MUC15: variants seen among roughly 807,000 people sequenced by gnomAD.
The protein encoded by MUC15 is mucin-15.
Under a neutral mutation model 24.0 loss-of-function variants are expected in MUC15, and 23 were observed. The observed-to-expected ratio is 0.96, with a 90% CI of 0.69 to 1.36. MUC15 has a LOEUF of 1.36. Ranked by LOEUF, MUC15 falls within the 40% of genes most tolerant of loss-of-function variation. The pLI, the probability that MUC15 is intolerant of heterozygous loss-of-function variation, is 0.00. For missense variants in MUC15, 442 were observed against 428.2 expected (o/e 1.03, Z -0.29); for synonymous variants, 151 against 156.3 (o/e 0.97, Z 0.25).
At chr11:26,561,667 G>T (rs1048202561) in intron 4 of MUC15, among the ~76,000 whole-genome samples, 4 of 151,894 alleles carry the variant, frequency 2.6e-5, no homozygotes. Context: ...GTATCTTGAT[G>T]GCTAAACCAT....
rs1590548489 is a variant in MUC15 at position 26,565,504 on chromosome 11, T to C, written c.436A>G (p.Lys146Glu). The C allele has an allele frequency of 6.2e-7, 1 of 1,613,384 alleles. No individual in the cohort carries two copies. Among genetic ancestry groups the C allele is most frequent in the Non-Finnish European group, 8.5e-7 (1 of 1,179,534 alleles). ...SPPLIHSFVS[K>E]VPWNAPIADE... is the part of the protein sequence containing the mutation. ...GCTATAGGTGCATTCCAAGGCACTT[T>C]AGAAACAAAGCTATGGATCAAGGGA... Residue 146 changes from lysine (K) to glutamate (E), a missense_variant, in exon 3 of 5, where the codon AAA (lysine) becomes GAA (glutamate). Physicochemically the swap from Lys to Glu is moderately conservative, Grantham distance 56 (BLOSUM62 1). Coordinates refer to ENST00000529533, the MANE Select transcript of MUC15 (RefSeq NM_001135091.2).
intron 3 of MUC15, 47 bp downstream of exon 3, chr11:26,565,118 G>A (rs746971412): frequency 2.0e-6 from 3 of 1,477,514 alleles, no homozygotes; most frequent in Non-Finnish European, 2.7e-6. Context: ...GACTTATTTG[G>A]AATTTCAGTT....
At chr11:26,564,675 A>G (rs1850447061) in intron 3 of MUC15, among the ~76,000 whole-genome samples, 1 of 135,006 alleles carries the variant, frequency 7.4e-6, no homozygotes, top group Non-Finnish European at 1.6e-5. Context: ...AAACTCATAT[A>G]TATATACTCA....
chr11:26,562,038 CA>C (rs1355750686), intron 4 of MUC15, among the ~76,000 whole-genome samples: 1 of 151,868 alleles, frequency 6.6e-6, no homozygotes, highest in Non-Finnish European at 1.5e-5. Flanking sequence ...ATGGATAAAA[CA>C]GTTGTTGTGG....
In MUC15 at chr11:26,560,313, T is replaced by A. The variant is rs1850237687; in HGVS notation, c.*752A>T. 1 of 152,158 alleles carries A rather than the reference T, an allele frequency of 6.6e-6. No individual in the cohort carries two copies. The highest frequency in any genetic ancestry group is 2.4e-5 in the African/African-American group (1 of 41,440). The allele number at this position is 152,158 out of a possible 1,614,324, so 9.4% of individuals were successfully genotyped here. ...GTTAACTTTTTTTTTTTACCATGAT[T>A]CTCATTGAGTTTTTAAGGCACCCAA... On this transcript the variant is annotated 3_prime_UTR_variant, in exon 5 of 5. Transcript: ENST00000529533.
chr11:26,563,198 A>T lies in MUC15; in HGVS notation c.843T>A (p.Thr281=), dbSNP rs1340798423. 2 of 1,612,486 alleles carry T rather than the reference A, an allele frequency of 1.2e-6. No individual in the cohort carries two copies. Among genetic ancestry groups the T allele is most frequent in the East Asian group, 4.5e-5 (2 of 44,832 alleles). The change falls in exon 4 of 5, where the codon ACT becomes ACA. Residue 281 remains threonine, a synonymous_variant. Coordinates refer to ENST00000529533, the MANE Select transcript of MUC15 (RefSeq NM_001135091.2). ...TTCCACACAACAAGTAGCCCACAAG[A>T]GTAAGCAATGAGACACCCAGAATAG... ...LGAILGVSLL[T]LVGYLLCGKR... is the part of the protein sequence containing the mutation.
intron 1 of MUC15, 139 bp from the exon 2 acceptor site, chr11:26,567,278 T>A: frequency 2.1e-6 from 1 of 483,670 alleles, no homozygotes; most frequent in Non-Finnish European, 3.5e-6. Flanking sequence ...AAAATCTGAG[T>A]ACTGATTTCA....
chr11:26,565,265 G>A lies in MUC15; in HGVS notation c.675C>T (p.Phe225=). The change falls in exon 3 of 5, where the codon TTC becomes TTT. Residue 225 remains phenylalanine, a synonymous_variant. Coordinates refer to ENST00000529533, the MANE Select transcript of MUC15 (RefSeq NM_001135091.2). Reference sequence around the variant, plus strand: ...TTTCTTGATAAGGGGTAAACCCAGTGAAGCTATCACTGTTTGTGGTAAGCC... The same window carrying A: ...TTTCTTGATAAGGGGTAAACCCAGTAAAGCTATCACTGTTTGTGGTAAGCC... ...SGWLTTNSDS[F]TGFTPYQEKT... is the part of the protein sequence containing the mutation. 6.3e-7 allele frequency: 1 copy of A among 1,595,608 alleles called. No homozygotes were observed. Among genetic ancestry groups the A allele is most frequent in the Non-Finnish European group, 8.5e-7 (1 of 1,169,724 alleles).
At position 26,560,353 on chromosome 11, in the gene MUC15, A is replaced by C. The variant is rs910600887; in HGVS notation, c.*712T>G. On this transcript the variant is annotated 3_prime_UTR_variant, in exon 5 of 5. Transcript: ENST00000529533. Reference sequence around the variant, plus strand: ...AAGGCACCCAAATAATTGAAGCCTAAGATATATTAAGACAAGTTAAAATTC... The same window carrying C: ...AAGGCACCCAAATAATTGAAGCCTACGATATATTAAGACAAGTTAAAATTC... 1 of 152,154 alleles carries C rather than the reference A, an allele frequency of 6.6e-6. No homozygotes were observed. The highest frequency in any genetic ancestry group is 2.4e-5 in the African/African-American group (1 of 41,436). 9.4% of individuals were successfully genotyped at this position (152,154 alleles called of 1,614,324 possible).
At position 26,561,199 on chromosome 11, in the gene MUC15, G is replaced by A; in HGVS notation, c.952C>T (p.Pro318Ser). 3 of 1,610,942 alleles carry A rather than the reference G, an allele frequency of 1.9e-6. No individual in the cohort carries two copies. The highest frequency in any genetic ancestry group is 2.5e-6 in the Non-Finnish European group (3 of 1,178,500). Residue 318 changes from proline to serine, a missense_variant, in exon 5 of 5, where the codon CCT (proline) becomes TCT (serine). By Grantham distance (74) the Pro-to-Ser change is moderately conservative. Transcript: ENST00000529533. ...GAATTCCCAAAACTCACATCATAAG[G>A]TTCCGGTGCATTGTCTAATCGCAGA... ...PVLRLDNAPE[P>S]YDVSFGNSSY...
intron 1 of MUC15, among the ~76,000 whole-genome samples, chr11:26,568,583 C>T (rs1336472119): frequency 6.6e-6 from 1 of 151,834 alleles, no homozygotes; most frequent in Non-Finnish European, 1.5e-5. Flanking sequence ...TCAAAGGACC[C>T]ATTAAATACA....
At chr11:26,568,180 A>G (rs1850670670) in intron 1 of MUC15, among the ~76,000 whole-genome samples, 2 of 152,064 alleles carry the variant, frequency 1.3e-5, no homozygotes, top group Admixed American at 6.6e-5. Flanking sequence ...GTATATTACT[A>G]TTATGCATTT....
Position 26,559,336 on chromosome 11 carries a change from T to G in MUC15, c.*1729A>C, listed in dbSNP as rs1308971338. 1.2e-5 allele frequency: 2 copies of G among 169,940 alleles called. No homozygotes were observed. Among genetic ancestry groups the G allele is most frequent in the Non-Finnish European group, 2.5e-5 (2 of 78,880 alleles). The allele number at this position is 169,940 out of a possible 1,614,324, so 10.5% of individuals were successfully genotyped here. ...TTCCAACTTCCCCACTCCTAGAAGT[T>G]TTGCTAACAGGAATTGCAACTAGGA... On this transcript the variant is annotated 3_prime_UTR_variant, in exon 5 of 5. Coordinates refer to ENST00000529533, the MANE Select transcript of MUC15 (RefSeq NM_001135091.2).
rs71047866 is a variant in MUC15 at position 26,559,835 on chromosome 11, TACACACAC to T, written c.*1222_*1229del. ...TTATTTTCTGAAGCTGTTTCTGTGT[TACACACAC>T]ACACACACACACACACACACACACA... On this transcript the variant is annotated 3_prime_UTR_variant, in exon 5 of 5. Coordinates refer to ENST00000529533, the MANE Select transcript of MUC15 (RefSeq NM_001135091.2). 0.11 allele frequency: 71,686 copies of T among 658,634 alleles called. 1,479 individuals carry two copies. Among genetic ancestry groups the T allele is most frequent in the Non-Finnish European group, 0.12 (44,641 of 367,522 alleles). 40.8% of individuals were successfully genotyped at this position (658,634 alleles called of 1,614,324 possible). A position where few individuals can be genotyped will look rare whatever the true frequency, so the allele number is the denominator to read the frequency against.
chr11:26,559,835 TACACAC>T lies in MUC15; in HGVS notation c.*1224_*1229del, dbSNP rs71047866. On this transcript the variant is annotated 3_prime_UTR_variant, in exon 5 of 5. Coordinates refer to ENST00000529533, the MANE Select transcript of MUC15 (RefSeq NM_001135091.2). ...TTATTTTCTGAAGCTGTTTCTGTGT[TACACAC>T]ACACACACACACACACACACACACA... 24,431 of 656,772 alleles carry T rather than the reference TACACAC, an allele frequency of 0.037. 72 individuals are homozygous for T. Among genetic ancestry groups the T allele is most frequent in the African/African-American group, 0.059 (3,166 of 54,026 alleles). 40.7% of individuals were successfully genotyped at this position (656,772 alleles called of 1,614,324 possible). A position where few individuals can be genotyped will look rare whatever the true frequency, so the allele number is the denominator to read the frequency against.
chr11:26,567,134 C>T lies in MUC15; in HGVS notation c.-40G>A. Reference sequence around the variant, plus strand: ...AACTGAAGCTCACAATGGCTAGTAACAGAAGCTGGAAAATGGAAGAGGCAA... The same window carrying T: ...AACTGAAGCTCACAATGGCTAGTAATAGAAGCTGGAAAATGGAAGAGGCAA... On this transcript the variant is annotated 5_prime_UTR_variant, in exon 2 of 5. Coordinates refer to ENST00000529533, the MANE Select transcript of MUC15 (RefSeq NM_001135091.2). 7.0e-7 allele frequency: 1 copy of T among 1,425,842 alleles called. No homozygotes were observed. The highest frequency in any genetic ancestry group is 9.3e-7 in the Non-Finnish European group (1 of 1,080,918). 88.3% of individuals were successfully genotyped at this position (1,425,842 alleles called of 1,614,324 possible). A position where few individuals can be genotyped will look rare whatever the true frequency, so the allele number is the denominator to read the frequency against.
At chr11:26,570,738 C>G (rs1850791366) in intron 1 of MUC15, among the ~76,000 whole-genome samples, 1 of 152,122 alleles carries the variant, frequency 6.6e-6, no homozygotes, top group Non-Finnish European at 1.5e-5. Flanking sequence ...AAAGAAAACT[C>G]TGTCTGCTAT....
chr11:26,566,809 C>T (rs1850605350), intron 2 of MUC15, among the ~76,000 whole-genome samples: 1 of 65,626 alleles, frequency 1.5e-5, no homozygotes, highest in African/African-American at 5.4e-5. Context: ...TGGCTTCTGA[C>T]ACAAATAACT....
At chr11:26,564,690 TATACAC>T (rs1442048899) in intron 3 of MUC15, among the ~76,000 whole-genome samples, 2 of 18,676 alleles carry the variant, frequency 1.1e-4, no homozygotes, top group African/African-American at 3.2e-4. Context: ...TACTCATATA[TATACAC>T]ACACACACAC....
Sources: allele counts gnomAD v4.1 joint callset (sites outside exome capture counted in the v4.1 genomes callset), GRCh38; gene constraint gnomAD v4.1.1; transcripts MANE v1.5; gene names NCBI Gene and HGNC (gene_info 2026-07-23, HGNC 2026-07-21).